KCNMA1: variants seen among roughly 807,000 people sequenced by gnomAD.
KCNMA1 encodes Calcium-activated potassium channel subunit alpha-1.
KCNMA1 carries 29 observed loss-of-function variants against 140.0 expected under a neutral mutation model. That is an observed-to-expected ratio of 0.21 (90% CI 0.15 to 0.28). KCNMA1 has a LOEUF of 0.28. Ranked by LOEUF, KCNMA1 falls within the 10% of genes least tolerant of loss-of-function variation. The pLI, the probability that KCNMA1 is intolerant of heterozygous loss-of-function variation, is 1.00. For synonymous variants in KCNMA1, 612 were observed against 611.9 expected, an observed-to-expected ratio of 1.00 and a Z score of 0.00; for missense variants, 880 against 1,602.2, an observed-to-expected ratio of 0.55 and a Z score of 7.70.
intron 14 of KCNMA1, among the ~76,000 whole-genome samples, chr10:77,055,744 T>A (rs185945398): frequency 1.2e-3 from 176 of 152,274 alleles, no homozygotes; most frequent in Admixed American, 2.9e-3. Context: ...ACAGAAAGTA[T>A]ACAGAAAGCC....
chr10:77,512,181 T>A (rs1340601015), intron 1 of KCNMA1, among the ~76,000 whole-genome samples: 1 of 152,240 alleles, frequency 6.6e-6, no homozygotes, highest in East Asian at 1.9e-4. Flanking sequence ...GTTTAAATTC[T>A]CTGGACGTGA....
intron 1 of KCNMA1, among the ~76,000 whole-genome samples, chr10:77,408,448 A>G (rs558240874): frequency 2.0e-5 from 3 of 150,848 alleles, no homozygotes; most frequent in African/African-American, 7.3e-5. Flanking sequence ...GAGTGTGTGC[A>G]TGTGTGTGTG....
intron 23 of KCNMA1, among the ~76,000 whole-genome samples, chr10:76,941,098 A>G (rs188639607): frequency 0.02 from 1,740 of 88,590 alleles, 35 homozygotes; most frequent in African/African-American, 0.064. Flanking sequence ...AAAGAAAGAA[A>G]GAAGGGAGGG....
chr10:77,003,404 G>A (rs990051117), intron 18 of KCNMA1, among the ~76,000 whole-genome samples: 13 of 152,122 alleles, frequency 8.5e-5, no homozygotes, highest in South Asian at 4.1e-4. Flanking sequence ...CAAACAAACA[G>A]CAACGGCTGA....
chr10:77,203,106 TC>T (rs1286723310), intron 3 of KCNMA1, among the ~76,000 whole-genome samples: 11 of 152,326 alleles, frequency 7.2e-5, no homozygotes, highest in Admixed American at 7.2e-4. Flanking sequence ...GGAAGTACCA[TC>T]TTTTTCTTGC....
chr10:77,128,461 CTT>C (rs1381779987), intron 5 of KCNMA1, among the ~76,000 whole-genome samples: 6 of 138,112 alleles, frequency 4.3e-5, no homozygotes, highest in African/African-American at 1.6e-4. Context: ...TGGTTCTGGA[CTT>C]TGACTGTACA....
rs56359933 is a variant in KCNMA1, at chr10:77,000,857, AATATATATATATATATATATAT to A, written c.2266+528_2266+549del. Among the ~76,000 whole-genome samples the A allele has an allele frequency of 1.1e-3, 41 of 36,660 alleles. 1 individual carries two copies. Among genetic ancestry groups the A allele is most frequent in the East Asian group, 8.2e-3 (8 of 974 alleles). 24.1% of individuals were successfully genotyped at this position (36,660 alleles called of 152,430 possible). A position where few individuals can be genotyped will look rare whatever the true frequency, so the allele number is the denominator to read the frequency against. On this transcript the variant is annotated intron_variant, in intron 19 of 27. Coordinates refer to ENST00000286628, the MANE Select transcript of KCNMA1 (RefSeq NM_001161352.2). ...GGTTAGAGAGACATAGTAAAAAGAA[AATATATATATATATATATATAT>A]ATATATATATATATATATATATCCA...
chr10:77,077,674 G>C (rs1449409599), intron 13 of KCNMA1, among the ~76,000 whole-genome samples: 1 of 152,154 alleles, frequency 6.6e-6, no homozygotes, highest in Non-Finnish European at 1.5e-5. Context: ...ACAGCTTAAA[G>C]CACTCCCACA....
At chr10:77,260,695 C>T (rs1022886643) in intron 2 of KCNMA1, among the ~76,000 whole-genome samples, 32 of 151,994 alleles carry the variant, frequency 2.1e-4, no homozygotes, top group African/African-American at 7.3e-4. Context: ...GGCAACAGAG[C>T]GAGACTCCAT....
At chr10:76,904,227 C>CA (rs2046830543) in intron 25 of KCNMA1, 1 of 152,216 alleles carries the variant, frequency 6.6e-6, no homozygotes. Context: ...CCAGAAGCTA[C>CA]AAGTCCTAAT....
chr10:77,182,894 T>G (rs1223238055), intron 5 of KCNMA1, among the ~76,000 whole-genome samples: 1 of 152,116 alleles, frequency 6.6e-6, no homozygotes, highest in Non-Finnish European at 1.5e-5. Context: ...ACTCTCCCCT[T>G]AACACAGAAA....
At chr10:76,914,874 A>T in intron 24 of KCNMA1, 62 bp downstream of exon 24, 1 of 1,223,284 alleles carries the variant, frequency 8.2e-7, no homozygotes. Flanking sequence ...CAACCTCCTC[A>T]TATCCTGTAT....
chr10:77,479,220 G>A (rs1415959073), intron 1 of KCNMA1, among the ~76,000 whole-genome samples: 1 of 152,194 alleles, frequency 6.6e-6, no homozygotes, highest in African/African-American at 2.4e-5. Flanking sequence ...TTTGGAAAGA[G>A]ACAGAGATCA....
At chr10:77,516,854 G>A (rs920375340) in intron 1 of KCNMA1, among the ~76,000 whole-genome samples, 10 of 152,218 alleles carry the variant, frequency 6.6e-5, no homozygotes, top group Non-Finnish European at 1.0e-4. Flanking sequence ...GAGACTGAAG[G>A]GTGGAGAGGG....
At chr10:77,019,361 G>A (rs997210468) in intron 16 of KCNMA1, 2 of 478,162 alleles carry the variant, frequency 4.2e-6, no homozygotes, top group Non-Finnish European at 7.6e-6. Flanking sequence ...TTAGGGCCTG[G>A]GTTTATATAA....
intron 19 of KCNMA1, among the ~76,000 whole-genome samples, chr10:76,981,977 C>G (rs970724988): frequency 6.6e-6 from 1 of 152,144 alleles, no homozygotes; most frequent in African/African-American, 2.4e-5. Context: ...CCCCGGGGTT[C>G]TAGGCCTGCC....
At chr10:77,290,065 A>G (rs1313454931) in intron 2 of KCNMA1, among the ~76,000 whole-genome samples, 1 of 152,244 alleles carries the variant, frequency 6.6e-6, no homozygotes, top group African/African-American at 2.4e-5. Flanking sequence ...GTAAAGGCAC[A>G]GTTCCACTGA....
chr10:77,586,527 C>G (rs538734765), intron 1 of KCNMA1: 159 of 152,254 alleles, frequency 1.0e-3, no homozygotes, highest in African/African-American at 3.7e-3. Context: ...CATTAGTAGA[C>G]AGTAAATGTC....
chr10:77,344,933 T>C (rs2091851131), intron 2 of KCNMA1, among the ~76,000 whole-genome samples: 1 of 152,116 alleles, frequency 6.6e-6, no homozygotes, highest in Non-Finnish European at 1.5e-5. Flanking sequence ...AAAAAGATAA[T>C]AATAACAATC....
Sources: allele counts gnomAD v4.1 joint callset (sites outside exome capture counted in the v4.1 genomes callset), GRCh38; gene constraint gnomAD v4.1.1; transcripts MANE v1.5; gene names NCBI Gene and HGNC (gene_info 2026-07-23, HGNC 2026-07-21).